Variants in MYO7B observed in about 807,000 individuals in gnomAD.
MYO7B encodes unconventional myosin-VIIb.
Under a neutral mutation model 259.7 loss-of-function variants are expected in MYO7B, and 212 were observed. That is an observed-to-expected ratio of 0.82 (90% CI 0.73 to 0.91). The LOEUF (loss-of-function observed/expected upper bound fraction) is 0.91. Ranked by LOEUF, MYO7B falls within the 40% of genes least tolerant of loss-of-function variation. The probability of loss-of-function intolerance (pLI) is 0.00; values close to 1 mark genes in which losing one functional copy is unlikely to be tolerated. For missense variants in MYO7B, 2,732 were observed against 2,813.5 expected, an observed-to-expected ratio of 0.97 and a Z score of 0.66; for synonymous variants, 1,197 against 1,166.4, an observed-to-expected ratio of 1.03 and a Z score of -0.54.
Position 127,597,688 on chromosome 2 carries a change from A to C in MYO7B, c.2339+1132A>C, listed in dbSNP as rs2104994654. On this transcript the variant is annotated intron_variant, in intron 19 of 47. Coordinates refer to ENST00000409816, the MANE Select transcript of MYO7B (RefSeq NM_001393586.1). The surrounding 1 kb of genome is among the most constrained non-coding windows in gnomAD (Gnocchi z 4.8). ...CTCACTCAGTCAACCAGGCTGGAGT[A>C]CAGTGGCACAATCTTGGCTCACTGC... Among the ~76,000 whole-genome samples, 1 of 152,052 alleles carries C rather than the reference A, an allele frequency of 6.6e-6. No homozygotes were observed. Among genetic ancestry groups the C allele is most frequent in the South Asian group, 2.1e-4 (1 of 4,824 alleles).
At chr2:127,564,643 C>A (rs1678254287) in intron 3 of MYO7B, among the ~76,000 whole-genome samples, 1 of 152,044 alleles carries the variant, frequency 6.6e-6, no homozygotes, top group Non-Finnish European at 1.5e-5. Context: ...GCTCGTCCAC[C>A]AGAGGGGTCA....
In MYO7B at chr2:127,628,386, G is replaced by A; in HGVS notation, c.4475G>A (p.Gly1492Glu). 6.2e-7 allele frequency: 1 copy of A among 1,600,762 alleles called. No individual in the cohort carries two copies. The highest frequency in any genetic ancestry group is 8.5e-7 in the Non-Finnish European group (1 of 1,175,874). The part of the protein sequence containing the change: ...GLATNREAQG[G>E]QRLLLSTMHE... ...TTCATCTCCAGGGAGGCCCAGGGCG[G>A]GCAGAGGCTGCTGCTCTCCACGATG... Residue 1492 changes from glycine (G) to glutamate (E), a missense_variant, in exon 34 of 48, where the codon GGG (glycine) becomes GAG (glutamate). Transcript: ENST00000409816. This position sits in a 1 kb window ranked among gnomAD's most constrained non-coding sequence, Gnocchi z 4.8.
chr2:127,609,731 G>A lies in MYO7B; in HGVS notation c.3024+16G>A, dbSNP rs766424181. 5.6e-6 allele frequency: 9 copies of A among 1,613,810 alleles called. No individual in the cohort carries two copies. In the East Asian group the frequency reaches 1.1e-4, roughly 20 times the overall value. ...TGACTGCTTGGTACCAGGGTTCACT[G>A]GCTTCTAGTGGATCAGGCCAGCCCC... On this transcript the variant is annotated intron_variant, in intron 23 of 47. Transcript: ENST00000409816. This position sits in a 1 kb window ranked among gnomAD's most constrained non-coding sequence, Gnocchi z 6.9.
In MYO7B at chr2:127,621,974, C is replaced by T; in HGVS notation, c.3526-8C>T. 2 of 1,551,736 alleles carry T rather than the reference C, an allele frequency of 1.3e-6. No individual in the cohort carries two copies. The highest frequency in any genetic ancestry group is 8.7e-7 in the Non-Finnish European group (1 of 1,146,984). On this transcript the variant is annotated splice_polypyrimidine_tract_variant and splice_region_variant and intron_variant, in intron 27 of 47. Transcript: ENST00000409816. The stretch of plus-strand genomic sequence containing the variant: ...GTCTTCCTCCCTTCTCCCCTCCTCA[C>T]CCACCAGTATCTACTGAACTTCATC...
At chr2:127,536,420 T>C (rs1029748310) in intron 1 of MYO7B, among the ~76,000 whole-genome samples, 1 of 137,030 alleles carries the variant, frequency 7.3e-6, no homozygotes, top group Non-Finnish European at 1.5e-5. Context: ...TAGTCACCTC[T>C]GGAAGGCTGG....
intron 31 of MYO7B, 38 bp from the exon 32 acceptor site, chr2:127,626,937 G>A (rs1681159474): frequency 6.4e-7 from 1 of 1,553,502 alleles, no homozygotes; most frequent in Non-Finnish European, 8.8e-7. Flanking sequence ...CACTAGGGAA[G>A]GCAGGTGACG....
intron 26 of MYO7B, 167 bp from the exon 27 acceptor site, chr2:127,620,173 G>T: frequency 1.4e-6 from 1 of 696,546 alleles, no homozygotes; most frequent in Non-Finnish European, 2.3e-6. Context: ...GCAGAGCCTG[G>T]TGGCACTGTC....
In MYO7B at chr2:127,637,427, C is replaced by T. The variant is rs369957142; in HGVS notation, c.*10C>T. The T allele has an allele frequency of 6.7e-7, 1 of 1,497,910 alleles. No individual in the cohort carries two copies. Among genetic ancestry groups the T allele is most frequent in the Non-Finnish European group, 8.9e-7 (1 of 1,120,778 alleles). The allele number at this position is 1,497,910 out of a possible 1,614,324, so 92.8% of individuals were successfully genotyped here. Reference sequence around the variant, plus strand: ...CCTGGCCAGCACCTAGCAGCGGATGCTGGCGTGTCTGCTCAGGCGCCCTTC... The same window carrying T: ...CCTGGCCAGCACCTAGCAGCGGATGTTGGCGTGTCTGCTCAGGCGCCCTTC... On this transcript the variant is annotated 3_prime_UTR_variant, in exon 48 of 48. Coordinates refer to ENST00000409816, the MANE Select transcript of MYO7B (RefSeq NM_001393586.1).
In MYO7B at chr2:127,636,663, C is replaced by T. The variant is rs757147968; in HGVS notation, c.6207+35C>T. 1.2e-6 allele frequency: 2 copies of T among 1,607,242 alleles called. No individual in the cohort carries two copies. The highest frequency in any genetic ancestry group is 1.7e-5 in the Admixed American group (1 of 58,938). On this transcript the variant is annotated intron_variant, in intron 46 of 47. Coordinates refer to ENST00000409816, the MANE Select transcript of MYO7B (RefSeq NM_001393586.1). This position sits in a 1 kb window ranked among gnomAD's most constrained non-coding sequence, Gnocchi z 4.5. Reference sequence around the variant, plus strand: ...GGGCCTCCGGAGGGGCTGGGGGCCACCAGGTCCAGGGACCTGTGCAGGTGG... The same window carrying T: ...GGGCCTCCGGAGGGGCTGGGGGCCATCAGGTCCAGGGACCTGTGCAGGTGG...
chr2:127,630,842 C>T lies in MYO7B; in HGVS notation c.4871C>T (p.Pro1624Leu), dbSNP rs1681445521. 1 of 1,612,630 alleles carries T rather than the reference C, an allele frequency of 6.2e-7. No individual in the cohort carries two copies. The highest frequency in any genetic ancestry group is 1.3e-5 in the African/African-American group (1 of 74,892). ...LAAQEGQFTE[P>L]RPEEPPKEKL... ...GCTCAGGAGGGGCAGTTCACAGAGC[C>T]ACGTCCTGAGGAGCCACCCAAGGAA... Residue 1624 changes from proline (P) to leucine (L), a missense_variant, in exon 36 of 48, where the codon CCA (proline) becomes CTA (leucine). Physicochemically the swap from Pro to Leu is moderately conservative, Grantham distance 98. Coordinates refer to ENST00000409816, the MANE Select transcript of MYO7B (RefSeq NM_001393586.1).
chr2:127,607,142 C>T lies in MYO7B; in HGVS notation c.2425-64C>T. ...ATCTTGCACTGCCTCCTGGGGAGCA[C>T]CCCTCTCTGTTTCCTGGGGAAGGCC... On this transcript the variant is annotated intron_variant, in intron 20 of 47. Transcript: ENST00000409816. This position sits in a 1 kb window ranked among gnomAD's most constrained non-coding sequence, Gnocchi z 4.4. The T allele has an allele frequency of 1.4e-6, 2 of 1,450,476 alleles. No individual in the cohort carries two copies. The highest frequency in any genetic ancestry group is 2.5e-4 in the Middle Eastern group (1 of 4,056). The allele number at this position is 1,450,476 out of a possible 1,614,324, so 89.9% of individuals were successfully genotyped here.
In MYO7B at chr2:127,627,377, G is replaced by C; in HGVS notation, c.4460+67G>C. On this transcript the variant is annotated intron_variant, in intron 33 of 47. Transcript: ENST00000409816. This position sits in a 1 kb window ranked among gnomAD's most constrained non-coding sequence, Gnocchi z 5.6. ...CTTGTGATGCATCTGGGGGCTCGGGGAGAGATGGGGAGAGGGGCAGTGTGC... is the reference window on the plus strand; with the variant it reads ...CTTGTGATGCATCTGGGGGCTCGGGCAGAGATGGGGAGAGGGGCAGTGTGC... The C allele has an allele frequency of 6.6e-7, 1 of 1,510,118 alleles. No homozygotes were observed. 93.5% of individuals were successfully genotyped at this position (1,510,118 alleles called of 1,614,324 possible). A position where few individuals can be genotyped will look rare whatever the true frequency, so the allele number is the denominator to read the frequency against.
At chr2:127,620,744 A>G (rs1444977712) in intron 27 of MYO7B, among the ~76,000 whole-genome samples, 1 of 152,166 alleles carries the variant, frequency 6.6e-6, no homozygotes, top group Non-Finnish European at 1.5e-5. Context: ...GACTAAAATG[A>G]GAAGGTAGAT....
intron 11 of MYO7B, 141 bp downstream of exon 11, chr2:127,582,151 A>T (rs569901449): frequency 6.8e-7 from 1 of 1,470,256 alleles, no homozygotes; most frequent in African/African-American, 1.4e-5. Flanking sequence ...GTGACCATGG[A>T]CTCCTCAGCC....
At chr2:127,579,221 A>G (rs1679004611) in intron 9 of MYO7B, among the ~76,000 whole-genome samples, 1 of 152,108 alleles carries the variant, frequency 6.6e-6, no homozygotes, top group Non-Finnish European at 1.5e-5. Flanking sequence ...AGGAAAGGAG[A>G]GAGAAAGGGG....
intron 11 of MYO7B, 88 bp from the exon 12 acceptor site, chr2:127,582,216 A>G (rs963214372): frequency 3.9e-6 from 6 of 1,537,792 alleles, no homozygotes; most frequent in South Asian, 3.6e-5. Flanking sequence ...CAGTAGGTCC[A>G]AGACATTCGG....
chr2:127,575,748 G>A (rs1340161980), intron 7 of MYO7B, among the ~76,000 whole-genome samples: 1 of 152,104 alleles, frequency 6.6e-6, no homozygotes, highest in African/African-American at 2.4e-5. Flanking sequence ...AGCCTTTTGA[G>A]TAGCTGAGAC....
chr2:127,578,623 G>T (rs995524539), intron 9 of MYO7B, among the ~76,000 whole-genome samples: 2 of 152,122 alleles, frequency 1.3e-5, no homozygotes, highest in African/African-American at 4.8e-5. Context: ...GTGGTCTGGG[G>T]ATTAAGTTGT....
chr2:127,624,437 T>G (rs1573710317), intron 30 of MYO7B, 117 bp downstream of exon 30: 8 of 825,262 alleles, frequency 9.7e-6, no homozygotes, highest in Non-Finnish European at 1.5e-5. Context: ...GGAAAGGGGG[T>G]CACAAGGGTG....
Sources: allele counts gnomAD v4.1 joint callset (sites outside exome capture counted in the v4.1 genomes callset), GRCh38; gene constraint gnomAD v4.1.1; non-coding constraint Gnocchi (gnomAD v3.1); transcripts MANE v1.5; gene names NCBI Gene and HGNC (gene_info 2026-07-23, HGNC 2026-07-21).